Variants in RAB3C observed in about 807,000 individuals in gnomAD.
RAB3C encodes the protein RAB3C, member RAS oncogene family, also known as ras-related protein Rab-3C.
RAB3C carries 17 observed loss-of-function variants against 26.4 expected under a neutral mutation model. The ratio of observed to expected loss-of-function variants is 0.64; its 90% CI spans 0.44 to 0.97. The LOEUF (loss-of-function observed/expected upper bound fraction) is 0.97. Ranked by LOEUF, RAB3C falls within the 50% of genes least tolerant of loss-of-function variation. The pLI is 0.00. For synonymous variants in RAB3C, 91 were observed against 95.9 expected (o/e 0.95, Z 0.30); for missense variants, 242 against 281.9 (o/e 0.86, Z 1.01).
chr5:58,592,031 T>G (rs576743128), intron 1 of RAB3C, among the ~76,000 whole-genome samples: 1 of 152,140 alleles, frequency 6.6e-6, no homozygotes, highest in South Asian at 2.1e-4. Flanking sequence ...TCTGAGTAGC[T>G]GAAATTACAG....
At chr5:58,606,509 G>T (rs574619119) in intron 1 of RAB3C, among the ~76,000 whole-genome samples, 45 of 152,292 alleles carry the variant, frequency 3.0e-4, no homozygotes, top group African/African-American at 1.1e-3. Flanking sequence ...AGACTTAAAC[G>T]TCCCTGTCTG....
intron 2 of RAB3C, among the ~76,000 whole-genome samples, chr5:58,624,228 G>A (rs1487256608): frequency 6.6e-6 from 1 of 152,146 alleles, no homozygotes. Flanking sequence ...TTCCACTGCT[G>A]CTATAAATGG....
intron 3 of RAB3C, among the ~76,000 whole-genome samples, chr5:58,747,557 A>G (rs1741426707): frequency 6.6e-6 from 1 of 152,090 alleles, no homozygotes; most frequent in South Asian, 2.1e-4. Context: ...AAAACATGCT[A>G]TTATTTAGTC....
intron 3 of RAB3C, among the ~76,000 whole-genome samples, chr5:58,810,123 G>A (rs763985439): frequency 2.6e-5 from 4 of 152,086 alleles, no homozygotes; most frequent in Non-Finnish European, 5.9e-5. Flanking sequence ...GAAAGCCGGG[G>A]AGAAACACTC....
chr5:58,789,089 A>G (rs1308364242), intron 3 of RAB3C, among the ~76,000 whole-genome samples: 1 of 152,072 alleles, frequency 6.6e-6, no homozygotes, highest in Non-Finnish European at 1.5e-5. Flanking sequence ...GCCATGAGAG[A>G]AGGAAAATGC....
At chr5:58,735,175 C>A (rs1741106574) in intron 3 of RAB3C, among the ~76,000 whole-genome samples, 1 of 152,176 alleles carries the variant, frequency 6.6e-6, no homozygotes, top group African/African-American at 2.4e-5. Context: ...GCAGCAAAGT[C>A]ACCTGCAACG....
chr5:58,631,407 A>G (rs1747181103), intron 2 of RAB3C, among the ~76,000 whole-genome samples: 1 of 152,244 alleles, frequency 6.6e-6, no homozygotes, highest in Non-Finnish European at 1.5e-5. Context: ...AAAGTTTATC[A>G]GAAGCTAAAT....
At chr5:58,828,641 A>C (rs1275757507) in intron 4 of RAB3C, among the ~76,000 whole-genome samples, 1 of 152,222 alleles carries the variant, frequency 6.6e-6, no homozygotes, top group African/African-American at 2.4e-5. Flanking sequence ...TCTGATTTAG[A>C]GTAGTGGTCT....
intron 3 of RAB3C, among the ~76,000 whole-genome samples, chr5:58,795,932 C>T (rs1242727591): frequency 6.6e-6 from 1 of 152,164 alleles, no homozygotes; most frequent in Non-Finnish European, 1.5e-5. Context: ...GTTAACAGCA[C>T]ATTGTTCAGA....
chr5:58,582,683 A>C (rs1189701155), upstream of RAB3C, among the ~76,000 whole-genome samples: 1 of 152,176 alleles, frequency 6.6e-6, no homozygotes, highest in Non-Finnish European at 1.5e-5. Flanking sequence ...AGAGTCCCAG[A>C]GACCAGCTCT....
At chr5:58,845,023 A>C (rs1486794371) in intron 4 of RAB3C, among the ~76,000 whole-genome samples, 1 of 152,100 alleles carries the variant, frequency 6.6e-6, no homozygotes, top group African/African-American at 2.4e-5. Context: ...AAAGCGGGGG[A>C]AGAGGTGGTT....
intron 1 of RAB3C, among the ~76,000 whole-genome samples, chr5:58,611,081 A>ATCCT (rs1219108109): frequency 6.6e-6 from 1 of 151,716 alleles, no homozygotes; most frequent in Non-Finnish European, 1.5e-5. Context: ...TGCAAAAGAC[A>ATCCT]TTTTTATGGC....
intron 2 of RAB3C, among the ~76,000 whole-genome samples, chr5:58,706,846 C>T (rs1748952827): frequency 6.6e-6 from 1 of 152,226 alleles, no homozygotes; most frequent in Non-Finnish European, 1.5e-5. Context: ...AAAATCTATA[C>T]ATATCCAATC....
intron 2 of RAB3C, among the ~76,000 whole-genome samples, chr5:58,694,912 C>T (rs542879695): frequency 2.6e-5 from 4 of 151,964 alleles, no homozygotes; most frequent in Non-Finnish European, 5.9e-5. Flanking sequence ...TTTCTTTTGC[C>T]GTGCAGAGGC....
intron 3 of RAB3C, among the ~76,000 whole-genome samples, chr5:58,729,145 C>T (rs1478286843): frequency 3.9e-5 from 6 of 151,946 alleles, no homozygotes; most frequent in Non-Finnish European, 7.4e-5. Context: ...TAAGACCTAG[C>T]GGACTCTGCT....
At chr5:58,733,893 T>C (rs557424022) in intron 3 of RAB3C, among the ~76,000 whole-genome samples, 34 of 152,344 alleles carry the variant, frequency 2.2e-4, no homozygotes, top group African/African-American at 8.2e-4. Flanking sequence ...TTAACATCTT[T>C]CTGTTCTAAG....
chr5:58,616,924 T>C (rs1157055862), intron 1 of RAB3C, among the ~76,000 whole-genome samples: 2 of 152,150 alleles, frequency 1.3e-5, no homozygotes, highest in African/African-American at 4.8e-5. Context: ...CACTGCTTGT[T>C]TGAATCCTGC....
intron 2 of RAB3C, among the ~76,000 whole-genome samples, chr5:58,691,529 A>T: frequency 6.6e-6 from 1 of 152,152 alleles, no homozygotes; most frequent in East Asian, 1.9e-4. Context: ...TAATTAAAAG[A>T]TCTGTGTGGA....
At chr5:58,648,724 T>A (rs1747579922) in intron 2 of RAB3C, among the ~76,000 whole-genome samples, 1 of 152,182 alleles carries the variant, frequency 6.6e-6, no homozygotes, top group Admixed American at 6.5e-5. Flanking sequence ...TATGCCATAT[T>A]TTTATCAGAG....
Sources: allele counts gnomAD v4.1 joint callset (sites outside exome capture counted in the v4.1 genomes callset), GRCh38; gene constraint gnomAD v4.1.1; transcripts MANE v1.5; gene names NCBI Gene and HGNC (gene_info 2026-07-23, HGNC 2026-07-21).